Variants in EFHC1 observed in about 807,000 individuals in gnomAD.
The protein encoded by EFHC1 is EF-hand domain containing 1, also known as EF-hand domain-containing protein 1.
A neutral mutation model predicts 69.9 loss-of-function variants in EFHC1; 53 were observed. That is an observed-to-expected ratio of 0.76 (90% CI 0.61 to 0.95). The LOEUF is 0.95. EFHC1 is among the 40% of genes least tolerant of loss of function. The pLI is 0.00. For missense variants in EFHC1, 739 were observed against 798.7 expected (o/e 0.93, Z 0.90); for synonymous variants, 256 against 278.4 (o/e 0.92, Z 0.80).
chr6:52,450,924 G>A lies in EFHC1; in HGVS notation c.574-1764G>A, dbSNP rs535095473. On this transcript the variant is annotated intron_variant, in intron 3 of 10. Transcript: ENST00000371068. The stretch of plus-strand genomic sequence containing the variant: ...AGTGATTCTCCTGCCTCAGCCTCCC[G>A]AGTAGCTGGGATTACAGGTGTGTAC... Among the ~76,000 whole-genome samples, 7 of 152,126 alleles carry A rather than the reference G, an allele frequency of 4.6e-5. No individual in the cohort carries two copies. In the South Asian group the frequency reaches 8.3e-4, roughly 18 times the overall value.
At chr6:52,439,351 C>T (rs192142087) in intron 3 of EFHC1, among the ~76,000 whole-genome samples, 1 of 152,274 alleles carries the variant, frequency 6.6e-6, no homozygotes, top group Admixed American at 6.5e-5. Context: ...TTACCATGCA[C>T]TGAGCTCCTA....
At chr6:52,474,844 C>A (rs1479450928) in intron 7 of EFHC1, among the ~76,000 whole-genome samples, 1 of 152,058 alleles carries the variant, frequency 6.6e-6, no homozygotes, top group African/African-American at 2.4e-5. Flanking sequence ...CTAAAGAAAA[C>A]CATACAATTC....
At chr6:52,465,840 A>G (rs7774250) in intron 6 of EFHC1, among the ~76,000 whole-genome samples, 19,432 of 147,956 alleles carry the variant, frequency 0.13, 1,346 homozygotes, top group Middle Eastern at 0.25. Context: ...ATATATCTAT[A>G]TAATATATAT....
chr6:52,454,124 T>C lies in EFHC1; in HGVS notation c.753T>C (p.Asp251=). Residue 251 remains aspartate, a synonymous_variant, in exon 5 of 11, where the codon GAT becomes GAC. Coordinates refer to ENST00000371068, the MANE Select transcript of EFHC1 (RefSeq NM_018100.4). The part of the protein sequence containing the change: ...QVLRFYAIWD[D]TDSMYGECRT... ...TTCGATTCTATGCAATCTGGGATGA[T>C]ACAGACAGCATGTATGGTGAATGTC... is the stretch of plus-strand genomic sequence containing the variant. The C allele has an allele frequency of 6.2e-7, 1 of 1,613,958 alleles. No homozygotes were observed. Among genetic ancestry groups the C allele is most frequent in the Non-Finnish European group, 8.5e-7 (1 of 1,180,004 alleles).
At position 52,454,307 on chromosome 6, in the gene EFHC1, T is replaced by C; in HGVS notation, c.916+20T>C. 1 of 1,613,916 alleles carries C rather than the reference T, an allele frequency of 6.2e-7. No homozygotes were observed. The highest frequency in any genetic ancestry group is 1.7e-5 in the Admixed American group (1 of 60,014). ...ATGCAAGTATGTTTGATTCAGTTTATTCTCTGTTACTTGGGATGTTTTTAG... is the reference window on the plus strand; with the variant it reads ...ATGCAAGTATGTTTGATTCAGTTTACTCTCTGTTACTTGGGATGTTTTTAG... On this transcript the variant is annotated intron_variant, in intron 5 of 10. Coordinates refer to ENST00000371068, the MANE Select transcript of EFHC1 (RefSeq NM_018100.4).
rs148615781 is a variant in EFHC1 at position 52,438,577 on chromosome 6, G to A, written c.559G>A (p.Asp187Asn). 4.3e-5 allele frequency: 70 copies of A among 1,613,824 alleles called. No individual in the cohort carries two copies. Among genetic ancestry groups the A allele is most frequent in the Non-Finnish European group, 5.6e-5 (66 of 1,179,922 alleles). ...CAAAACTTTCCGCGTTGTTGACTGTGACCAATTCACACAGGTATAGCATAT... is the reference window on the plus strand; with the variant it reads ...CAAAACTTTCCGCGTTGTTGACTGTAACCAATTCACACAGGTATAGCATAT... ...YGKTFRVVDC[D>N]QFTQVFLESQ... is the part of the protein sequence containing the mutation. The change falls in exon 3 of 11, where the codon GAC becomes AAC. Residue 187 changes from aspartate (D) to asparagine (N), a missense_variant. Physicochemically the swap from Asp to Asn is conservative, Grantham distance 23. Transcript: ENST00000371068.
chr6:52,460,012 A>G (rs1316117942), intron 5 of EFHC1, among the ~76,000 whole-genome samples: 4 of 152,222 alleles, frequency 2.6e-5, no homozygotes, highest in Admixed American at 6.5e-5. Flanking sequence ...TATATCTACC[A>G]TACAAACCAG....
At chr6:52,427,589 A>AACTAT (rs1764329560) in intron 2 of EFHC1, among the ~76,000 whole-genome samples, 1 of 150,712 alleles carries the variant, frequency 6.6e-6, no homozygotes, top group South Asian at 2.1e-4. Flanking sequence ...ACTATATTAT[A>AACTAT]ATTTGTGTTG....
intron 2 of EFHC1, among the ~76,000 whole-genome samples, chr6:52,434,709 C>T (rs187006741): frequency 6.6e-6 from 1 of 152,308 alleles, no homozygotes; most frequent in East Asian, 1.9e-4. Context: ...CTTCCATCTG[C>T]CATGATTCCA....
intron 2 of EFHC1, among the ~76,000 whole-genome samples, chr6:52,428,407 C>T (rs1472757130): frequency 6.6e-6 from 1 of 152,030 alleles, no homozygotes; most frequent in African/African-American, 2.4e-5. Context: ...ATCCTCATAC[C>T]TTAGCTACCA....
intron 1 of EFHC1, 54 bp from the exon 2 acceptor site, chr6:52,423,892 T>A: frequency 6.2e-7 from 1 of 1,609,986 alleles, no homozygotes; most frequent in South Asian, 1.1e-5. Flanking sequence ...GTTTTTTTTT[T>A]ACCTAACAAA....
intron 7 of EFHC1, among the ~76,000 whole-genome samples, chr6:52,469,739 A>C (rs1158784283): frequency 6.6e-6 from 1 of 152,194 alleles, no homozygotes; most frequent in Non-Finnish European, 1.5e-5. Flanking sequence ...ATGTTGACAG[A>C]TCTTTTGCCT....
intron 7 of EFHC1, among the ~76,000 whole-genome samples, chr6:52,477,229 G>T (rs1447486557): frequency 6.6e-6 from 1 of 151,874 alleles, no homozygotes. Context: ...TATTGTAGTT[G>T]TTTAACATTT....
intron 3 of EFHC1, among the ~76,000 whole-genome samples, chr6:52,444,931 G>A (rs1038629062): frequency 1.3e-5 from 2 of 152,094 alleles, no homozygotes; most frequent in African/African-American, 4.8e-5. Flanking sequence ...GACTGTTTTT[G>A]GTTGGTAGGC....
Position 52,454,251 on chromosome 6 carries a change from C to A in EFHC1, c.880C>A (p.Arg294Ser), listed in dbSNP as rs201543041. ...AGATCCTTTCCCACTCCTAATGAACCGCCAGCGTGTGCCCAAAGTTTTGGT... is the reference window on the plus strand; with the variant it reads ...AGATCCTTTCCCACTCCTAATGAACAGCCAGCGTGTGCCCAAAGTTTTGGT... ...GRDPFPLLMN[R>S]QRVPKVLVEN... The change falls in exon 5 of 11, where the codon CGC becomes AGC. Residue 294 changes from arginine (R) to serine (S), a missense_variant. Coordinates refer to ENST00000371068, the MANE Select transcript of EFHC1 (RefSeq NM_018100.4). 6.2e-7 allele frequency: 1 copy of A among 1,614,096 alleles called. No individual in the cohort carries two copies. The highest frequency in any genetic ancestry group is 2.2e-5 in the East Asian group (1 of 44,880).
chr6:52,432,065 T>C (rs537331312), intron 2 of EFHC1, among the ~76,000 whole-genome samples: 1 of 152,304 alleles, frequency 6.6e-6, no homozygotes, highest in South Asian at 2.1e-4. Flanking sequence ...TATCCACCCC[T>C]TTACCTTAAA....
intron 7 of EFHC1, among the ~76,000 whole-genome samples, chr6:52,470,923 G>A (rs1765422404): frequency 6.6e-6 from 1 of 152,174 alleles, no homozygotes. Flanking sequence ...AAAAGTTAAA[G>A]CATTTACAGA....
In EFHC1 at chr6:52,495,509, G is replaced by C. The variant is rs1766031994; in HGVS notation, c.*3168G>C. ...ATATATTTGCCAATTTTTGTCCTCA[G>C]CTTTGGGTCTCAGCCAAAATGGAGA... is the stretch of plus-strand genomic sequence containing the variant. On this transcript the variant is annotated 3_prime_UTR_variant, in exon 11 of 11. Transcript: ENST00000371068. 3 of 453,998 alleles carry C rather than the reference G, an allele frequency of 6.6e-6. No individual in the cohort carries two copies. The highest frequency in any genetic ancestry group is 2.0e-5 in the African/African-American group (1 of 50,006). 28.1% of individuals were successfully genotyped at this position (453,998 alleles called of 1,614,324 possible). A position where few individuals can be genotyped will look rare whatever the true frequency, so the allele number is the denominator to read the frequency against.
rs1393486520 is a variant in EFHC1 at position 52,496,154 on chromosome 6, C to A, written c.*3813C>A. 1.2e-5 allele frequency: 2 copies of A among 161,090 alleles called. No homozygotes were observed. Among genetic ancestry groups the A allele is most frequent in the Non-Finnish European group, 2.8e-5 (2 of 72,712 alleles). The allele number at this position is 161,090 out of a possible 1,614,324, so 10.0% of individuals were successfully genotyped here. The stretch of plus-strand genomic sequence containing the variant: ...CAATATTGTAGGAAGCAGAAATGAT[C>A]ATCACTTCAAACTGGCCACCAGGGA... On this transcript the variant is annotated 3_prime_UTR_variant, in exon 11 of 11. Coordinates refer to ENST00000371068, the MANE Select transcript of EFHC1 (RefSeq NM_018100.4).
Sources: gnomAD v4.1 joint callset for allele counts (sites outside exome capture counted in the v4.1 genomes callset) on GRCh38, gnomAD v4.1.1 for gene constraint, MANE v1.5 for transcripts, NCBI Gene and HGNC (gene_info 2026-07-23, HGNC 2026-07-21) for gene names.